Variants in CRMP1 observed in about 807,000 individuals in gnomAD.
The protein encoded by CRMP1 is collapsin response mediator protein 1.
In CRMP1, 19 loss-of-function variants were observed where a neutral mutation model predicts 68.3. The ratio of observed to expected loss-of-function variants is 0.28; its 90% confidence interval spans 0.19 to 0.41. The LOEUF is 0.41. Among genes scored for constraint, CRMP1 ranks in the 10% least tolerant of loss-of-function variants. The pLI is 1.00. For synonymous variants in CRMP1, 439 were observed against 399.6 expected (o/e 1.10, Z -1.18); for missense variants, 791 against 967.4 (o/e 0.82, Z 2.42).
At chr4:5,851,916 G>T (rs1486289959) in intron 4 of CRMP1, among the ~76,000 whole-genome samples, 1 of 140,944 alleles carries the variant, frequency 7.1e-6, no homozygotes, top group African/African-American at 2.7e-5. Flanking sequence ...AGAAAGAGAA[G>T]GAGAAGAGGA....
intron 8 of CRMP1, among the ~76,000 whole-genome samples, chr4:5,840,477 T>C (rs1711637286): frequency 6.6e-6 from 1 of 152,202 alleles, no homozygotes; most frequent in Non-Finnish European, 1.5e-5. Flanking sequence ...GAGAGGCAGC[T>C]GCAAGCTCTG....
chr4:5,837,492 G>C (rs1720795825), intron 9 of CRMP1, among the ~76,000 whole-genome samples: 1 of 150,956 alleles, frequency 6.6e-6, no homozygotes, highest in Non-Finnish European at 1.5e-5. Flanking sequence ...GCCAGGCGTG[G>C]TGGTGGGCGC....
At chr4:5,852,846 CAGGGG>C (rs1712763009) in intron 4 of CRMP1, among the ~76,000 whole-genome samples, 1 of 152,112 alleles carries the variant, frequency 6.6e-6, no homozygotes, top group South Asian at 2.1e-4. Flanking sequence ...GAAGGCTTCC[CAGGGG>C]AGTACAGCTC....
In CRMP1 at chr4:5,890,271, A is replaced by C. The variant is rs1359211095; in HGVS notation, c.381+2318T>G. 3.9e-5 allele frequency: 6 copies of C among 152,810 alleles called. No individual in the cohort carries two copies. The highest frequency in any genetic ancestry group is 1.4e-4 in the African/African-American group (6 of 41,448). 9.5% of individuals were successfully genotyped at this position (152,810 alleles called of 1,614,324 possible). A position where few individuals can be genotyped will look rare whatever the true frequency, so the allele number is the denominator to read the frequency against. On this transcript the variant is annotated intron_variant, in intron 1 of 13. Transcript: ENST00000324989. This position sits in a 1 kb window ranked among gnomAD's most constrained non-coding sequence, Gnocchi z 5.5. ...ACAAGACCACGTGCGTATCAGGGGG[A>C]GGAGCATCCGCCTGCCACTGGCCAA...
intron 6 of CRMP1, among the ~76,000 whole-genome samples, chr4:5,847,214 G>A (rs1007559793): frequency 2.6e-5 from 4 of 152,140 alleles, no homozygotes; most frequent in African/African-American, 7.2e-5. Flanking sequence ...AGGAGGGTCA[G>A]GGAGATATCT....
chr4:5,842,678 T>TCACA lies in CRMP1; in HGVS notation c.1032+411_1032+414dup, dbSNP rs199626986. Among the ~76,000 whole-genome samples the TCACA allele has an allele frequency of 6.7e-6, 1 of 150,066 alleles. No individual in the cohort carries two copies. Among genetic ancestry groups the TCACA allele is most frequent in the Non-Finnish European group, 1.5e-5 (1 of 67,246 alleles). ...CACACACACACTAACATACACACAC[T>TCACA]CACACACACACATACACACACAGCC... On this transcript the variant is annotated intron_variant, in intron 7 of 13. Coordinates refer to ENST00000324989, the MANE Select transcript of CRMP1 (RefSeq NM_001014809.3). The surrounding 1 kb of genome is among the most constrained non-coding windows in gnomAD (Gnocchi z 4.5).
rs2286280 is a variant in CRMP1 at position 5,841,601 on chromosome 4, T to C, written c.1033-173A>G. ...GCCCCCTGCTCTCCGGGGTGGAGCA[T>C]TGGTCTCACGCTGGGATACGGCAGC... is the stretch of plus-strand genomic sequence containing the variant. On this transcript the variant is annotated intron_variant, in intron 7 of 13. Coordinates refer to ENST00000324989, the MANE Select transcript of CRMP1 (RefSeq NM_001014809.3). This position sits in a 1 kb window ranked among gnomAD's most constrained non-coding sequence, Gnocchi z 6.9. Among the ~76,000 whole-genome samples, 61,503 of 151,926 alleles carry C rather than the reference T, an allele frequency of 0.4. 12,879 individuals carry two copies. The highest frequency in any genetic ancestry group is 0.52 in the African/African-American group (21,670 of 41,432).
intron 1 of CRMP1, chr4:5,887,343 C>G: frequency 1.0e-6 from 1 of 984,358 alleles, no homozygotes; most frequent in Non-Finnish European, 1.2e-6. Context: ...GAGGATTCCA[C>G]CACGCCCAGA....
In CRMP1 at chr4:5,888,144, C is replaced by T; in HGVS notation, c.381+4445G>A. 2.4e-6 allele frequency: 3 copies of T among 1,224,768 alleles called. No homozygotes were observed. Among genetic ancestry groups the T allele is most frequent in the Non-Finnish European group, 3.1e-6 (3 of 982,150 alleles). 75.9% of individuals were successfully genotyped at this position (1,224,768 alleles called of 1,614,324 possible). Reference sequence around the variant, plus strand: ...AGGCCTCGGGGGGCGCCCCTGCCGGCGCCCCGTGGATCTGGACCCTGCCGG... The same window carrying T: ...AGGCCTCGGGGGGCGCCCCTGCCGGTGCCCCGTGGATCTGGACCCTGCCGG... On this transcript the variant is annotated intron_variant, in intron 1 of 13. Coordinates refer to ENST00000324989, the MANE Select transcript of CRMP1 (RefSeq NM_001014809.3). The surrounding 1 kb of genome is among the most constrained non-coding windows in gnomAD (Gnocchi z 6.4).
At chr4:5,848,232 C>A (rs11731566) in intron 6 of CRMP1, among the ~76,000 whole-genome samples, 51,415 of 151,780 alleles carry the variant, frequency 0.34, 11,096 homozygotes, top group East Asian at 0.69. Context: ...GCAAGCTCCA[C>A]CTTCCAGGTT....
At position 5,836,227 on chromosome 4, in the gene CRMP1, T is replaced by C. The variant is rs1236345091; in HGVS notation, c.1453-142A>G. On this transcript the variant is annotated intron_variant, in intron 10 of 13. Coordinates refer to ENST00000324989, the MANE Select transcript of CRMP1 (RefSeq NM_001014809.3). ...TCTCCCAGCTAAAAACGTGCCATCA[T>C]CAAGAACCCCAGAAGGCCCAGCCTC... 6.1e-6 allele frequency: 4 copies of C among 652,882 alleles called. No homozygotes were observed. The East Asian group carries it at 1.0e-4, about 16-fold the overall frequency. 40.4% of individuals were successfully genotyped at this position (652,882 alleles called of 1,614,324 possible). A position where few individuals can be genotyped will look rare whatever the true frequency, so the allele number is the denominator to read the frequency against.
intron 6 of CRMP1, among the ~76,000 whole-genome samples, chr4:5,848,316 G>T (rs1346125913): frequency 6.6e-6 from 1 of 152,052 alleles, no homozygotes; most frequent in African/African-American, 2.4e-5. Context: ...ATTCCCACCT[G>T]TAATAGCTGG....
At chr4:5,847,479 T>C (rs1560499505) in intron 6 of CRMP1, among the ~76,000 whole-genome samples, 1 of 152,208 alleles carries the variant, frequency 6.6e-6, no homozygotes, top group African/African-American at 2.4e-5. Flanking sequence ...CCTGCCCTTG[T>C]ATAATCCCTT....
At chr4:5,846,583 T>A (rs112496438) in intron 6 of CRMP1, among the ~76,000 whole-genome samples, 1 of 141,360 alleles carries the variant, frequency 7.1e-6, no homozygotes, top group Non-Finnish European at 1.5e-5. Flanking sequence ...AAAGAAGCAG[T>A]TGGATCCCCA....
chr4:5,823,530 G>T (rs1719033351), intron 13 of CRMP1, among the ~76,000 whole-genome samples: 2 of 152,238 alleles, frequency 1.3e-5, no homozygotes, highest in Admixed American at 1.3e-4. Context: ...GGGGCCTAAT[G>T]GGAGGGGTTT....
rs924287392 is a variant in CRMP1 at position 5,858,024 on chromosome 4, C to T, written c.656-1717G>A. On this transcript the variant is annotated intron_variant, in intron 3 of 13. Transcript: ENST00000324989. The surrounding 1 kb of genome is among the most constrained non-coding windows in gnomAD (Gnocchi z 5.5). ...ACCTCCATCCACTTAAAGCATCAGGCTTTGCTAATATGACCCTCACATCTC... is the reference window on the plus strand; with the variant it reads ...ACCTCCATCCACTTAAAGCATCAGGTTTTGCTAATATGACCCTCACATCTC... Among the ~76,000 whole-genome samples the T allele has an allele frequency of 6.6e-6, 1 of 152,166 alleles. No homozygotes were observed. Among genetic ancestry groups the T allele is most frequent in the African/African-American group, 2.4e-5 (1 of 41,432 alleles).
chr4:5,888,726 C>T lies in CRMP1; in HGVS notation c.381+3863G>A. On this transcript the variant is annotated intron_variant, in intron 1 of 13. Transcript: ENST00000324989. The surrounding 1 kb of genome is among the most constrained non-coding windows in gnomAD (Gnocchi z 6.4). ...CTCGCGATCCAGAGAGTATGGTTTT[C>T]AGGGCTCCTTTAAAAGAAAAAGACG... 1.4e-6 allele frequency: 1 copy of T among 715,178 alleles called. No homozygotes were observed. The highest frequency in any genetic ancestry group is 1.7e-6 in the Non-Finnish European group (1 of 585,228). The allele number at this position is 715,178 out of a possible 1,614,324, so 44.3% of individuals were successfully genotyped here. A position where few individuals can be genotyped will look rare whatever the true frequency, so the allele number is the denominator to read the frequency against.
At position 5,856,287 on chromosome 4, in the gene CRMP1, G is replaced by T; in HGVS notation, c.676C>A (p.Pro226Thr). 6.2e-7 allele frequency: 1 copy of T among 1,613,482 alleles called. No homozygotes were observed. Among genetic ancestry groups the T allele is most frequent in the Non-Finnish European group, 8.5e-7 (1 of 1,179,738 alleles). ...AAAGAGGTCAGTAGGCTGGACCCAG[G>T]TTCAGGAACAACATGGTCAACTGGG... ...TMIIDHVVPE[P>T]GSSLLTSFEK... The change falls in exon 4 of 14, where the codon CCT (proline) becomes ACT (threonine). Residue 226 changes from proline (P) to threonine (T), a missense_variant. By Grantham distance (38) the Pro-to-Thr change is conservative. Around this residue, in one of 3 missense-constraint regions of CRMP1, gnomAD observed 594 missense variants for 763.6 expected, o/e 0.78. Coordinates refer to ENST00000324989, the MANE Select transcript of CRMP1 (RefSeq NM_001014809.3).
At position 5,837,005 on chromosome 4, in the gene CRMP1, GAATA is replaced by G. The variant is rs1181890157; in HGVS notation, c.1311-103_1311-100del. ...CATGCAGCACAGCCAGTGAATGAAT[GAATA>G]GATAAGGAAGCCAGTGGGTAAGAGA... On this transcript the variant is annotated intron_variant, in intron 9 of 13. Coordinates refer to ENST00000324989, the MANE Select transcript of CRMP1 (RefSeq NM_001014809.3). 7.3e-5 allele frequency: 99 copies of G among 1,364,762 alleles called. No homozygotes were observed. In the Middle Eastern group the frequency reaches 9.3e-4, roughly 13 times the overall value. The allele number at this position is 1,364,762 out of a possible 1,614,324, so 84.5% of individuals were successfully genotyped here.
Sources: allele counts gnomAD v4.1 joint callset (sites outside exome capture counted in the v4.1 genomes callset), GRCh38; gene constraint gnomAD v4.1.1; regional missense constraint gnomAD v4.1.1; non-coding constraint Gnocchi (gnomAD v3.1); transcripts MANE v1.5; gene names NCBI Gene and HGNC (gene_info 2026-07-23, HGNC 2026-07-21).